The following SRD5A2 variants were observed in gnomAD, a reference collection of about 807,000 sequenced individuals.
SRD5A2 encodes steroid 5 alpha-reductase 2, also known as 3-oxo-5-alpha-steroid 4-dehydrogenase 2.
Under a neutral mutation model 27.4 loss-of-function variants are expected in SRD5A2, and 30 were observed. The ratio of observed to expected loss-of-function variants is 1.10; its 90% confidence interval spans 0.82 to 1.49. The LOEUF (loss-of-function observed/expected upper bound fraction) is 1.49, where lower values mean the gene tolerates loss of function less well. Ranked by LOEUF, SRD5A2 falls within the 40% of genes most tolerant of loss-of-function variation. The pLI is 0.00. For missense variants in SRD5A2, 348 were observed against 323.4 expected (o/e 1.08, Z -0.58); for synonymous variants, 141 against 133.6 (o/e 1.06, Z -0.38).
At chr2:31,622,378 G>T in the SRD5A2 span, among the ~76,000 whole-genome samples, 1 of 151,970 alleles carries the variant, frequency 6.6e-6, no homozygotes, top group Non-Finnish European at 1.5e-5. Flanking sequence ...ATAATTGATG[G>T]GCATTTAGGT....
chr2:31,629,685 G>A, the SRD5A2 span, among the ~76,000 whole-genome samples: 11 of 152,218 alleles, frequency 7.2e-5, no homozygotes, highest in Middle Eastern at 0.01. Flanking sequence ...CAAACTCCTG[G>A]CATTAGCTGG....
Position 31,580,809 on chromosome 2 carries a change from G to A in SRD5A2, c.92C>T (p.Ser31Phe), listed in dbSNP as rs782496734. Reference sequence around the variant, plus strand: ...GCTCTCCGTGTGCTTCCCGTAGCCGGAGGGCTTCGCGACGTACAAGGCCAG... The same window carrying A: ...GCTCTCCGTGTGCTTCCCGTAGCCGAAGGGCTTCGCGACGTACAAGGCCAG... ...GALALYVAKPSGYGKHTESLK... is the reference protein window; with the variant it reads ...GALALYVAKPFGYGKHTESLK... The change falls in exon 1 of 5, where the codon TCC becomes TTC. Residue 31 changes from serine (S) to phenylalanine (F), a missense_variant. Ser to Phe is a radical substitution (Grantham distance 155). Coordinates refer to ENST00000622030, the MANE Select transcript of SRD5A2 (RefSeq NM_000348.4). The A allele has an allele frequency of 1.6e-5, 26 of 1,612,386 alleles. No homozygotes were observed. In the Admixed American group the frequency reaches 4.2e-4, roughly 26 times the overall value.
the SRD5A2 span, among the ~76,000 whole-genome samples, chr2:31,621,296 T>C: frequency 1.3e-5 from 2 of 152,202 alleles, no homozygotes; most frequent in Middle Eastern, 3.4e-3. Flanking sequence ...CTCTGACACC[T>C]AGAAATTATT....
chr2:31,530,098 G>A (rs953071639), intron 3 of SRD5A2, among the ~76,000 whole-genome samples: 2 of 151,942 alleles, frequency 1.3e-5, no homozygotes, highest in African/African-American at 2.4e-5. Flanking sequence ...CTTCTCTCAG[G>A]ACTGTATCTA....
At chr2:31,612,892 A>G in the SRD5A2 span, among the ~76,000 whole-genome samples, 1 of 152,232 alleles carries the variant, frequency 6.6e-6, no homozygotes, top group Non-Finnish European at 1.5e-5. Context: ...ATTTTCAACA[A>G]AGGTGCCAAG....
At chr2:31,591,628 A>G in the SRD5A2 span, among the ~76,000 whole-genome samples, 1 of 151,916 alleles carries the variant, frequency 6.6e-6, no homozygotes, top group African/African-American at 2.4e-5. Flanking sequence ...CTATAAAGAC[A>G]CATGCACACG....
the SRD5A2 span, among the ~76,000 whole-genome samples, chr2:31,604,925 A>G: frequency 1.8e-4 from 27 of 151,958 alleles, no homozygotes. Context: ...TATAGTAACC[A>G]AAACAGCATG....
chr2:31,644,892 C>A, the SRD5A2 span, among the ~76,000 whole-genome samples: 8 of 152,052 alleles, frequency 5.3e-5, no homozygotes, highest in Non-Finnish European at 1.0e-4. Context: ...TAAAATGGTT[C>A]AGGAAAAATT....
the SRD5A2 span, among the ~76,000 whole-genome samples, chr2:31,634,413 G>T: frequency 1.3e-5 from 2 of 152,120 alleles, no homozygotes; most frequent in African/African-American, 4.8e-5. Flanking sequence ...GAATCCTAGA[G>T]AGGGAAAACA....
chr2:31,629,180 A>G, the SRD5A2 span, among the ~76,000 whole-genome samples: 1 of 152,158 alleles, frequency 6.6e-6, no homozygotes, highest in African/African-American at 2.4e-5. Flanking sequence ...GCAAAACACT[A>G]GTCACTGGGT....
the SRD5A2 span, chr2:31,651,593 T>G: frequency 1.3e-5 from 2 of 157,318 alleles, no homozygotes; most frequent in African/African-American, 2.4e-5. Flanking sequence ...TGGATCAGCT[T>G]AACTTTATCG....
At chr2:31,610,180 C>T in the SRD5A2 span, among the ~76,000 whole-genome samples, 4 of 152,036 alleles carry the variant, frequency 2.6e-5, no homozygotes. Flanking sequence ...ATGTGGTCAG[C>T]ATTATCCTGA....
the SRD5A2 span, among the ~76,000 whole-genome samples, chr2:31,612,985 C>T: frequency 1.8e-3 from 271 of 152,186 alleles, 3 homozygotes; most frequent in African/African-American, 6.3e-3. Context: ...TGAAATTGGA[C>T]CCTTATTTCA....
chr2:31,634,376 C>T, the SRD5A2 span, among the ~76,000 whole-genome samples: 1 of 151,774 alleles, frequency 6.6e-6, no homozygotes, highest in African/African-American at 2.4e-5. Context: ...TGGAATAATA[C>T]CAAATGTGTT....
chr2:31,540,744 A>C (rs1189318666), intron 1 of SRD5A2, among the ~76,000 whole-genome samples: 3 of 152,230 alleles, frequency 2.0e-5, no homozygotes, highest in Non-Finnish European at 4.4e-5. Flanking sequence ...AGCTCTTAGC[A>C]CAGTAACAGC....
chr2:31,542,208 TGTATCTTAGAA>T (rs746538409), intron 1 of SRD5A2, among the ~76,000 whole-genome samples: 6 of 152,238 alleles, frequency 3.9e-5, no homozygotes, highest in Non-Finnish European at 8.8e-5. Context: ...GGCTTTATTT[TGTATCTTAGAA>T]GTGATTATTA....
intron 1 of SRD5A2, among the ~76,000 whole-genome samples, chr2:31,549,728 C>T (rs554853651): frequency 3.3e-5 from 5 of 152,020 alleles, no homozygotes; most frequent in Non-Finnish European, 4.4e-5. Context: ...AACAAACTGG[C>T]AAATTATATG....
chr2:31,573,054 A>G (rs1314163863), intron 1 of SRD5A2, among the ~76,000 whole-genome samples: 1 of 152,118 alleles, frequency 6.6e-6, no homozygotes, highest in Non-Finnish European at 1.5e-5. Context: ...CAGATCACCA[A>G]ATGGGCCCCT....
chr2:31,535,810 G>C (rs921358902), intron 1 of SRD5A2, among the ~76,000 whole-genome samples: 3 of 152,200 alleles, frequency 2.0e-5, no homozygotes, highest in African/African-American at 7.2e-5. Context: ...GTGCATAAGT[G>C]AATTAGATTC....
Sources: allele counts gnomAD v4.1 joint callset (sites outside exome capture counted in the v4.1 genomes callset), GRCh38; gene constraint gnomAD v4.1.1; transcripts MANE v1.5; gene names NCBI Gene and HGNC (gene_info 2026-07-23, HGNC 2026-07-21).